C6orf118: variants seen among roughly 807,000 people sequenced by gnomAD.
C6orf118 encodes chromosome 6 open reading frame 118, also known as uncharacterized protein C6orf118.
A neutral mutation model predicts 50.2 loss-of-function variants in C6orf118; 50 were observed. That is an observed-to-expected ratio of 1.00 (90% CI 0.79 to 1.26). The LOEUF is 1.26. C6orf118 is among the 50% of genes most tolerant of loss of function. The pLI is 0.00. For synonymous variants in C6orf118, 239 were observed against 230.9 expected, an observed-to-expected ratio of 1.03 and a Z score of -0.32; for missense variants, 641 against 578.7, an observed-to-expected ratio of 1.11 and a Z score of -1.10.
At chr6:165,304,723 C>T (rs1780662248) in intron 1 of C6orf118, among the ~76,000 whole-genome samples, 7 of 87,128 alleles carry the variant, frequency 8.0e-5, no homozygotes, top group South Asian at 4.9e-4. Flanking sequence ...CCATTCACAA[C>T]TGCTTCAAAG....
chr6:165,287,321 G>A (rs1779945124), intron 7 of C6orf118, among the ~76,000 whole-genome samples: 2 of 152,060 alleles, frequency 1.3e-5, no homozygotes, highest in Non-Finnish European at 2.9e-5. Flanking sequence ...TCATGGATAG[G>A]AAGAATCAGT....
intron 1 of C6orf118, among the ~76,000 whole-genome samples, chr6:165,309,163 G>A (rs1780849989): frequency 1.3e-5 from 2 of 152,244 alleles, no homozygotes; most frequent in Admixed American, 6.5e-5. Context: ...ATAGGAGCGC[G>A]GAAAGGCAGC....
chr6:165,280,181 A>T, intron 8 of C6orf118, 71 bp from the exon 9 acceptor site: 1 of 1,112,118 alleles, frequency 9.0e-7, no homozygotes, highest in Non-Finnish European at 1.3e-6. Context: ...AAATTTCAAA[A>T]TAAGCATCTA....
chr6:165,297,624 G>T (rs1780356836), intron 5 of C6orf118, among the ~76,000 whole-genome samples: 2 of 152,018 alleles, frequency 1.3e-5, no homozygotes, highest in African/African-American at 2.4e-5. Flanking sequence ...ATACAGAGAG[G>T]TTATATTAGA....
chr6:165,296,075 A>G (rs1175484740), intron 5 of C6orf118, among the ~76,000 whole-genome samples: 1 of 152,072 alleles, frequency 6.6e-6, no homozygotes, highest in East Asian at 1.9e-4. Flanking sequence ...TCTCTCTTCC[A>G]TGAACTTTTC....
intron 1 of C6orf118, among the ~76,000 whole-genome samples, chr6:165,302,675 G>A (rs1382733002): frequency 1.3e-5 from 2 of 152,110 alleles, no homozygotes; most frequent in Admixed American, 1.3e-4. Flanking sequence ...CTTCTTTAAC[G>A]TATTTCACCG....
At chr6:165,290,696 T>A (rs1780077869) in intron 6 of C6orf118, among the ~76,000 whole-genome samples, 1 of 152,104 alleles carries the variant, frequency 6.6e-6, no homozygotes, top group Non-Finnish European at 1.5e-5. Flanking sequence ...GATCACTGTC[T>A]CCAGTGAAAT....
intron 4 of C6orf118, 47 bp from the exon 5 acceptor site, chr6:165,298,148 C>T (rs769601721): frequency 4.5e-5 from 68 of 1,511,562 alleles, no homozygotes; most frequent in Non-Finnish European, 5.7e-5. Flanking sequence ...ACAGGGAGGG[C>T]GGGAGGACTC....
At chr6:165,281,060 C>G (rs1293856144) in intron 8 of C6orf118, among the ~76,000 whole-genome samples, 1 of 151,880 alleles carries the variant, frequency 6.6e-6, no homozygotes, top group Non-Finnish European at 1.5e-5. Flanking sequence ...ATGTTTATAC[C>G]AATAAGTTTA....
At position 165,283,645 on chromosome 6, in the gene C6orf118, C is replaced by T. The variant is rs532793551; in HGVS notation, c.1303-1952G>A. Among the ~76,000 whole-genome samples the T allele has an allele frequency of 4.6e-5, 7 of 152,290 alleles. No individual in the cohort carries two copies. In the South Asian group the frequency reaches 1.4e-3, roughly 32 times the overall value. ...GGCAGCAATCTTTGCTGTTCTGCAG[C>T]CTCCATTTCTGACACCTCCGGGTGC... is the stretch of plus-strand genomic sequence containing the variant. On this transcript the variant is annotated intron_variant, in intron 7 of 8. Coordinates refer to ENST00000230301, the MANE Select transcript of C6orf118 (RefSeq NM_144980.4).
intron 4 of C6orf118, 119 bp downstream of exon 4, chr6:165,299,324 T>C (rs1780427509): frequency 1.3e-6 from 1 of 753,468 alleles, no homozygotes; most frequent in Non-Finnish European, 2.3e-6. Flanking sequence ...ACATATCAGC[T>C]ATTCTAAATT....
At chr6:165,280,397 C>A (rs1228580602) in intron 8 of C6orf118, among the ~76,000 whole-genome samples, 1 of 152,180 alleles carries the variant, frequency 6.6e-6, no homozygotes. Context: ...ACTTTCATTG[C>A]CAAGGCCATG....
At chr6:165,307,329 C>T (rs755188856) in intron 1 of C6orf118, among the ~76,000 whole-genome samples, 3 of 150,082 alleles carry the variant, frequency 2.0e-5, no homozygotes, top group Non-Finnish European at 2.9e-5. Context: ...GAGGCCGAGG[C>T]GGGTGGATCA....
At chr6:165,302,688 C>T (rs73788328) in intron 1 of C6orf118, among the ~76,000 whole-genome samples, 8,345 of 152,106 alleles carry the variant, frequency 0.055, 767 homozygotes, top group African/African-American at 0.19. Flanking sequence ...TTTCACCGGC[C>T]GGGGAATTCA....
At position 165,301,706 on chromosome 6, in the gene C6orf118, G is replaced by C. The variant is rs1780546821; in HGVS notation, c.616C>G (p.Leu206Val). The C allele has an allele frequency of 6.2e-7, 1 of 1,614,064 alleles. No homozygotes were observed. Among genetic ancestry groups the C allele is most frequent in the Admixed American group, 1.7e-5 (1 of 60,004 alleles). The change falls in exon 2 of 9, where the codon CTG becomes GTG. Residue 206 changes from leucine (L) to valine (V), a missense_variant. Leu to Val is a conservative substitution (Grantham distance 32, BLOSUM62 1). Transcript: ENST00000230301. ...RDRHHYVSSY[L>V]AGATSADRYR... ...CTGTCTGCGCTGGTGGCTCCGGCCA[G>C]GTAGGAGCTGACATAGTGGTGCCGG...
intron 1 of C6orf118, among the ~76,000 whole-genome samples, chr6:165,305,870 T>C (rs908911012): frequency 1.2e-5 from 1 of 86,714 alleles, no homozygotes; most frequent in Admixed American, 1.1e-4. Context: ...TTTTACACTG[T>C]TGGTGGGACT....
chr6:165,290,732 C>T (rs1780078667), intron 6 of C6orf118, among the ~76,000 whole-genome samples: 1 of 152,158 alleles, frequency 6.6e-6, no homozygotes, highest in Non-Finnish European at 1.5e-5. Flanking sequence ...GATCAGACAG[C>T]ACAAGACTAG....
chr6:165,290,304 C>T lies in C6orf118; in HGVS notation c.1121-237G>A, dbSNP rs192713094. 3.9e-5 allele frequency among the ~76,000 whole-genome samples: 6 copies of T among 152,112 alleles called. No homozygotes were observed. The East Asian group carries it at 1.2e-3, about 29-fold the overall frequency. On this transcript the variant is annotated intron_variant, in intron 6 of 8. Transcript: ENST00000230301. The stretch of plus-strand genomic sequence containing the variant: ...AACACATTTTTGTGCAGACACTGGG[C>T]TAGGTAGAAAGGTTCAATGGTGAAT...
chr6:165,283,895 C>T (rs1201503896), intron 7 of C6orf118, among the ~76,000 whole-genome samples: 1 of 152,222 alleles, frequency 6.6e-6, no homozygotes, highest in African/African-American at 2.4e-5. Context: ...TAACTGAAAA[C>T]TCAAAAAACC....
Sources: allele counts gnomAD v4.1 joint callset (sites outside exome capture counted in the v4.1 genomes callset), GRCh38; gene constraint gnomAD v4.1.1; transcripts MANE v1.5; gene names NCBI Gene and HGNC (gene_info 2026-07-23, HGNC 2026-07-21).